The following HECW1 variants were observed in gnomAD, a reference collection of about 807,000 sequenced individuals.
HECW1 encodes E3 ubiquitin-protein ligase HECW1.
In HECW1, 61 loss-of-function variants were observed where a neutral mutation model predicts 182.3. The ratio of observed to expected loss-of-function variants is 0.33; its 90% confidence interval spans 0.27 to 0.41. HECW1 has a LOEUF of 0.41. Among genes scored for constraint, HECW1 ranks in the 10% least tolerant of loss-of-function variants. The probability of loss-of-function intolerance (pLI) is 1.00; values close to 1 mark genes in which losing one functional copy is unlikely to be tolerated. For synonymous variants in HECW1, 859 were observed against 832.6 expected, an observed-to-expected ratio of 1.03 and a Z score of -0.55; for missense variants, 1,739 against 2,108.9, an observed-to-expected ratio of 0.82 and a Z score of 3.44.
Position 43,444,670 on chromosome 7 carries a change from G to C in HECW1, c.1498G>C (p.Glu500Gln), listed in dbSNP as rs1214501762. The change falls in exon 11 of 30, where the codon GAA (glutamate) becomes CAA (glutamine). Residue 500 changes from glutamate (E) to glutamine (Q), a missense_variant. Glu to Gln is a conservative substitution (Grantham distance 29). Transcript: ENST00000395891. This position sits in a 1 kb window ranked among gnomAD's most constrained non-coding sequence, Gnocchi z 4.3. ...EATTQSRAGR[E>Q]EEEKEQEEEG... ...AACGACCCAGAGCCGGGCTGGAAGG[G>C]AAGAAGAGGAGAAGGAGCAGGAGGA... The C allele has an allele frequency of 1.2e-6, 2 of 1,605,768 alleles. No homozygotes were observed. Among genetic ancestry groups the C allele is most frequent in the Non-Finnish European group, 1.7e-6 (2 of 1,176,042 alleles).
At chr7:43,376,299 C>T (rs768918420) in intron 6 of HECW1, among the ~76,000 whole-genome samples, 6 of 152,188 alleles carry the variant, frequency 3.9e-5, no homozygotes, top group Non-Finnish European at 7.4e-5. Context: ...CACCACCCAA[C>T]GAGCCTCAGG....
At chr7:43,125,802 G>A (rs1178643893) in intron 2 of HECW1, among the ~76,000 whole-genome samples, 3 of 135,554 alleles carry the variant, frequency 2.2e-5, no homozygotes, top group African/African-American at 5.4e-5. Flanking sequence ...TAATACGAAA[G>A]TTGCCACTGA....
chr7:43,133,091 T>C (rs1432340209), intron 2 of HECW1, among the ~76,000 whole-genome samples: 3 of 152,132 alleles, frequency 2.0e-5, no homozygotes, highest in African/African-American at 7.2e-5. Context: ...TTTGACCTAA[T>C]GAAATGATCA....
chr7:43,175,583 GA>G (rs1460643877), intron 2 of HECW1, among the ~76,000 whole-genome samples: 2 of 152,192 alleles, frequency 1.3e-5, no homozygotes, highest in African/African-American at 2.4e-5. Flanking sequence ...ATTTCCAGAT[GA>G]AAGACTCTTT....
chr7:43,207,101 C>T (rs967048293), intron 2 of HECW1, among the ~76,000 whole-genome samples: 1 of 152,048 alleles, frequency 6.6e-6, no homozygotes, highest in African/African-American at 2.4e-5. Flanking sequence ...GGCTGGAGTC[C>T]AGTGGTGCGA....
chr7:43,341,305 A>T (rs2152800398), intron 5 of HECW1, among the ~76,000 whole-genome samples: 1 of 141,858 alleles, frequency 7.0e-6, no homozygotes, highest in East Asian at 2.1e-4. Context: ...AACTTACAGT[A>T]TTATAAATAA....
intron 5 of HECW1, among the ~76,000 whole-genome samples, chr7:43,337,813 C>CT (rs201191917): frequency 2.6e-4 from 40 of 151,566 alleles, no homozygotes; most frequent in African/African-American, 6.0e-4. Context: ...AGCACAATGT[C>CT]TTTTTTTTTA....
rs570440407 is a variant in HECW1 at position 43,425,678 on chromosome 7, A to C, written c.802-12325A>C. Reference sequence around the variant, plus strand: ...CACTGGCATCTGGTGAGAACATAGTAGAAAGACAGAAGCAGAAGCAAGAGA... The same window carrying C: ...CACTGGCATCTGGTGAGAACATAGTCGAAAGACAGAAGCAGAAGCAAGAGA... On this transcript the variant is annotated intron_variant, in intron 8 of 29. Coordinates refer to ENST00000395891, the MANE Select transcript of HECW1 (RefSeq NM_015052.5). 5.5e-4 allele frequency among the ~76,000 whole-genome samples: 84 copies of C among 152,330 alleles called. 1 individual carries two copies. Among genetic ancestry groups the C allele is most frequent in the African/African-American group, 1.8e-3 (76 of 41,578 alleles).
At chr7:43,360,777 G>A (rs1815769424) in intron 5 of HECW1, 109 bp from the exon 6 acceptor site, 2 of 799,372 alleles carry the variant, frequency 2.5e-6, no homozygotes, top group African/African-American at 1.7e-5. Context: ...GGCCTGGCTT[G>A]CTCGTGGGGG....
At chr7:43,124,820 A>G (rs543778942) in intron 2 of HECW1, among the ~76,000 whole-genome samples, 1 of 152,284 alleles carries the variant, frequency 6.6e-6, no homozygotes, top group East Asian at 1.9e-4. Flanking sequence ...TAAATTTTAT[A>G]ATTTTAAGAT....
intron 3 of HECW1, chr7:43,248,713 C>CCTCCTCCTCCTT (rs1562732055): frequency 2.0e-5 from 3 of 146,784 alleles, no homozygotes; most frequent in Non-Finnish European, 4.5e-5. Context: ...TCCTCCTCCT[C>CCTCCTCCTCCTT]CTCCTCCTCC....
chr7:43,136,721 A>C (rs1200030057), intron 2 of HECW1, among the ~76,000 whole-genome samples: 1 of 152,122 alleles, frequency 6.6e-6, no homozygotes, highest in Non-Finnish European at 1.5e-5. Context: ...AACCCATCCA[A>C]ACTGCAGATA....
At chr7:43,142,268 G>A (rs1440636024) in intron 2 of HECW1, among the ~76,000 whole-genome samples, 1 of 152,166 alleles carries the variant, frequency 6.6e-6, no homozygotes, top group African/African-American at 2.4e-5. Flanking sequence ...CTGGGACTTG[G>A]ACAACACTGT....
rs1381307544 is a variant in HECW1, at chr7:43,456,325, G to A, written c.2529G>A (p.Gly843=). 6 of 1,613,286 alleles carry A rather than the reference G, an allele frequency of 3.7e-6. No homozygotes were observed. Among genetic ancestry groups the A allele is most frequent in the Non-Finnish European group, 4.2e-6 (5 of 1,179,606 alleles). ...GGGAAGCTCGAATTGACAGCCACGG[G>A]CGGGTCTTTTATGTGGACCACGTGA... The part of the protein sequence containing the change: ...PNWEARIDSH[G]RVFYVDHVNR... Residue 843 remains glycine (G), a synonymous_variant, in exon 13 of 30, where the codon GGG becomes GGA. Coordinates refer to ENST00000395891, the MANE Select transcript of HECW1 (RefSeq NM_015052.5).
At chr7:43,205,826 G>A (rs1338740365) in intron 2 of HECW1, among the ~76,000 whole-genome samples, 1 of 152,174 alleles carries the variant, frequency 6.6e-6, no homozygotes, top group Non-Finnish European at 1.5e-5. Flanking sequence ...AAGATGATGG[G>A]AGAGTTATAA....
intron 5 of HECW1, among the ~76,000 whole-genome samples, chr7:43,350,106 T>G (rs897344834): frequency 1.3e-5 from 2 of 152,204 alleles, no homozygotes; most frequent in African/African-American, 4.8e-5. Context: ...AGACTATATC[T>G]TTCCTTCATA....
At position 43,444,842 on chromosome 7, in the gene HECW1, G is replaced by A. The variant is rs532143087; in HGVS notation, c.1670G>A (p.Arg557Gln). ...ASACGDPETP[R>Q]THYIRIHTLL... The stretch of plus-strand genomic sequence containing the variant: ...GCCTGCGGGGACCCCGAGACCCCGC[G>A]GACACACTACATCCGCATCCACACC... Residue 557 changes from arginine (R) to glutamine (Q), a missense_variant, in exon 11 of 30, where the codon CGG becomes CAG. By Grantham distance (43) the Arg-to-Gln change is conservative. Coordinates refer to ENST00000395891, the MANE Select transcript of HECW1 (RefSeq NM_015052.5). This position sits in a 1 kb window ranked among gnomAD's most constrained non-coding sequence, Gnocchi z 4.3. The A allele has an allele frequency of 2.5e-6, 4 of 1,613,658 alleles. No individual in the cohort carries two copies. In the African/African-American group the frequency reaches 4.0e-5, roughly 16 times the overall value.
intron 16 of HECW1, among the ~76,000 whole-genome samples, chr7:43,477,702 A>T (rs1007448957): frequency 2.6e-5 from 4 of 151,966 alleles, no homozygotes; most frequent in Non-Finnish European, 2.9e-5. Flanking sequence ...GTTGTTATTT[A>T]CCTTTTTCCT....
chr7:43,417,730 A>G (rs537263040), intron 8 of HECW1, among the ~76,000 whole-genome samples: 2 of 152,266 alleles, frequency 1.3e-5, no homozygotes, highest in East Asian at 3.9e-4. Context: ...CCACTGTGTT[A>G]TGGTCTCCAT....
Sources: allele counts gnomAD v4.1 joint callset (sites outside exome capture counted in the v4.1 genomes callset), GRCh38; gene constraint gnomAD v4.1.1; non-coding constraint Gnocchi (gnomAD v3.1); transcripts MANE v1.5; gene names NCBI Gene and HGNC (gene_info 2026-07-23, HGNC 2026-07-21).